Variants in RPGR observed in about 807,000 individuals in gnomAD.
The protein encoded by RPGR is retinitis pigmentosa GTPase regulator, also known as X-linked retinitis pigmentosa GTPase regulator.
A neutral mutation model predicts 56.3 loss-of-function variants in RPGR; 10 were observed. That is an observed-to-expected ratio of 0.18 (90% CI 0.11 to 0.30). The LOEUF (loss-of-function observed/expected upper bound fraction) is 0.30. Among genes scored for constraint, RPGR ranks in the 10% least tolerant of loss-of-function variants. The probability of loss-of-function intolerance (pLI) is 1.00; values close to 1 mark genes in which losing one functional copy is unlikely to be tolerated. For synonymous variants in RPGR, 197 were observed against 212.9 expected, an observed-to-expected ratio of 0.93 and a Z score of 0.65; for missense variants, 538 against 590.9, an observed-to-expected ratio of 0.91 and a Z score of 0.93.
chrX:38,301,844 T>C (rs917442377), intron 8 of RPGR, among the ~76,000 whole-genome samples: 12 of 110,884 alleles, frequency 1.1e-4, no homozygotes, highest in African/African-American at 3.9e-4. Context: ...CTGTGCACTG[T>C]AGGATGTTCA....
rs1385965234 is a variant in RPGR, at chrX:38,280,948, T to C, written c.1906-4176A>G. Among the ~76,000 whole-genome samples, 6 of 112,041 alleles carry C rather than the reference T, an allele frequency of 5.4e-5. No homozygotes were observed. The Admixed American group carries it at 5.7e-4, about 11-fold the overall frequency. On this transcript the variant is annotated intron_variant, in intron 15 of 18. Coordinates refer to ENST00000642395, the MANE Select transcript of RPGR (RefSeq NM_000328.3). ...AAGTCTGCAGGCCAGACTGCACCCA[T>C]GGGCTGCCAGTTGTGATCTCCAAAT...
At chrX:38,284,430 T>C in intron 15 of RPGR, 5 of 746,726 alleles carry the variant, frequency 6.7e-6, no homozygotes, top group Non-Finnish European at 7.9e-6. Context: ...TTTATTTTAC[T>C]TGAAACATTC....
At chrX:38,272,956 G>A (rs905630612) in intron 18 of RPGR, among the ~76,000 whole-genome samples, 2 of 110,502 alleles carry the variant, frequency 1.8e-5, no homozygotes, top group African/African-American at 6.8e-5. Context: ...AAAAACATAC[G>A]ATTTGTGATG....
At chrX:38,301,477 T>A in intron 8 of RPGR, 106 bp from the exon 9 acceptor site, 3 of 753,072 alleles carry the variant, frequency 4.0e-6, no homozygotes. Flanking sequence ...ATTATCCCCC[T>A]CAAATTCTGC....
At chrX:38,279,392 G>A (rs1231390952) in intron 15 of RPGR, among the ~76,000 whole-genome samples, 7 of 111,816 alleles carry the variant, frequency 6.3e-5, no homozygotes, top group African/African-American at 9.8e-5. Context: ...GTCAGGCATG[G>A]CACAGTCAGG....
rs750796478 is a variant in RPGR at position 38,275,115 on chromosome X, A to G, written c.2123T>C (p.Ile708Thr). The G allele has an allele frequency of 8.3e-7, 1 of 1,210,961 alleles. No homozygotes were observed. The highest frequency in any genetic ancestry group is 1.8e-5 in the South Asian group (1 of 56,957). The change falls in exon 17 of 19, where the codon ATT becomes ACT. Residue 708 changes from isoleucine (I) to threonine (T), a missense_variant. By Grantham distance (89) the Ile-to-Thr change is moderately conservative. Coordinates refer to ENST00000642395, the MANE Select transcript of RPGR (RefSeq NM_000328.3). ...TTTTGGGTTTTCATTGTACTCACAA[A>G]TGGCCCGTTCCTCTAGGTTGGCTTT...
intron 10 of RPGR, chrX:38,298,288 T>C (rs193149893): frequency 0.024 from 6,090 of 254,970 alleles, 79 homozygotes; most frequent in Middle Eastern, 0.039. Context: ...AAAAAACACA[T>C]ATATATATAT....
At chrX:38,321,001 GA>G (rs2067928280) in intron 4 of RPGR, 25 bp downstream of exon 4, 1 of 1,140,837 alleles carries the variant, frequency 8.8e-7, no homozygotes, top group Non-Finnish European at 1.2e-6. Context: ...AGTCAGGCAG[GA>G]AATCATACAG....
chrX:38,315,834 T>TAGAGAGAG (rs1305812896), intron 6 of RPGR, among the ~76,000 whole-genome samples: 1 of 88,414 alleles, frequency 1.1e-5, no homozygotes, highest in African/African-American at 5.0e-5. Context: ...TATATATATA[T>TAGAGAGAG]ATATAGAGAG....
intron 6 of RPGR, among the ~76,000 whole-genome samples, chrX:38,314,273 TTTC>T (rs1174818718): frequency 8.9e-6 from 1 of 111,732 alleles, no homozygotes; most frequent in Non-Finnish European, 1.9e-5. Context: ...CCAAGGTATT[TTTC>T]TTATTTATAT....
chrX:38,282,093 T>G (rs778707573), intron 15 of RPGR, among the ~76,000 whole-genome samples: 1 of 111,814 alleles, frequency 8.9e-6, no homozygotes, highest in African/African-American at 3.2e-5. Context: ...GAAATATGCT[T>G]AAAAAATTAA....
In RPGR at chrX:38,327,496, C is replaced by G; in HGVS notation, c.-129G>C. 1.6e-6 allele frequency: 1 copy of G among 621,036 alleles called. No individual in the cohort carries two copies. Among genetic ancestry groups the G allele is most frequent in the Non-Finnish European group, 2.4e-6 (1 of 424,712 alleles). 51.2% of individuals were successfully genotyped at this position (621,036 alleles called of 1,213,427 possible). A position where few individuals can be genotyped will look rare whatever the true frequency, so the allele number is the denominator to read the frequency against. ...CCCCAAGTTCCGCATGGCGAAACTC[C>G]GGAGATCAACTACAACCGCGCTCCC... On this transcript the variant is annotated 5_prime_UTR_variant, in exon 1 of 19. Coordinates refer to ENST00000642395, the MANE Select transcript of RPGR (RefSeq NM_000328.3).
rs1425139917 is a variant in RPGR at position 38,307,323 on chromosome X, A to G, written c.779-2533T>C. On this transcript the variant is annotated intron_variant, in intron 7 of 18. Coordinates refer to ENST00000642395, the MANE Select transcript of RPGR (RefSeq NM_000328.3). ...TTCCCTGATCCCAAGGAGAAACTAT[A>G]ATCACCCTATCACTACAACCAGTTT... Among the ~76,000 whole-genome samples, 6 of 112,314 alleles carry G rather than the reference A, an allele frequency of 5.3e-5. No homozygotes were observed. In the South Asian group the frequency reaches 1.8e-3, roughly 35 times the overall value.
At chrX:38,311,263 A>G (rs149885711) in intron 6 of RPGR, among the ~76,000 whole-genome samples, 70 of 112,408 alleles carry the variant, frequency 6.2e-4, no homozygotes, top group African/African-American at 2.1e-3. Context: ...TTTAGATGGC[A>G]CTTCCTCCAA....
At position 38,269,415 on chromosome X, in the gene RPGR, A is replaced by C. The variant is rs1361891075; in HGVS notation, c.*211T>G. The C allele has an allele frequency of 2.8e-6, 1 of 362,970 alleles. No homozygotes were observed. Among genetic ancestry groups the C allele is most frequent in the Non-Finnish European group, 4.7e-6 (1 of 211,105 alleles). 29.9% of individuals were successfully genotyped at this position (362,970 alleles called of 1,213,427 possible). A position where few individuals can be genotyped will look rare whatever the true frequency, so the allele number is the denominator to read the frequency against. ...CAGTTAAGGCCACAACACTTTAGGG[A>C]GAATTTGAGATACACATATTTTGAA... On this transcript the variant is annotated 3_prime_UTR_variant, in exon 19 of 19. Transcript: ENST00000642395.
At position 38,304,627 on chromosome X, in the gene RPGR, A is replaced by C. The variant is rs2067561186; in HGVS notation, c.934+8T>G. On this transcript the variant is annotated splice_region_variant and intron_variant, in intron 8 of 18. Transcript: ENST00000642395. ...CTATAAATATATAACAGAAATTCTA[A>C]TCCATACCTGTTATCAAAGCTGTGT... 1.7e-6 allele frequency: 2 copies of C among 1,167,592 alleles called. No homozygotes were observed. The highest frequency in any genetic ancestry group is 2.3e-6 in the Non-Finnish European group (2 of 856,078).
intron 10 of RPGR, 68 bp downstream of exon 10, chrX:38,298,888 A>AT: frequency 5.4e-6 from 6 of 1,102,238 alleles, no homozygotes; most frequent in Non-Finnish European, 3.8e-6. Flanking sequence ...AAGAAAACAG[A>AT]TTTTTTTCTT....
intron 1 of RPGR, among the ~76,000 whole-genome samples, chrX:38,325,173 C>T (rs1452159226): frequency 2.5e-5 from 1 of 40,697 alleles, no homozygotes; most frequent in Non-Finnish European, 5.0e-5. Context: ...GACTCCGTCT[C>T]AAAAAAAAAA....
chrX:38,321,163 A>C, intron 3 of RPGR, 74 bp from the exon 4 acceptor site: 1 of 760,468 alleles, frequency 1.3e-6, no homozygotes, highest in Non-Finnish European at 2.0e-6. Flanking sequence ...AATGGTAACT[A>C]AGTGATAGAA....
Sources: allele counts gnomAD v4.1 joint callset (sites outside exome capture counted in the v4.1 genomes callset), GRCh38; gene constraint gnomAD v4.1.1; transcripts MANE v1.5; gene names NCBI Gene and HGNC (gene_info 2026-07-23, HGNC 2026-07-21).